INTS2: variants seen among roughly 807,000 people sequenced by gnomAD.
The protein encoded by INTS2 is KIAA1287.
INTS2 carries 57 observed loss-of-function variants against 139.6 expected under a neutral mutation model. The ratio of observed to expected loss-of-function variants is 0.41; its 90% CI spans 0.33 to 0.51. The LOEUF is 0.51. INTS2 is among the 20% of genes least tolerant of loss of function. The probability of loss-of-function intolerance (pLI) is 0.28; values close to 1 mark genes in which losing one functional copy is unlikely to be tolerated. For synonymous variants in INTS2, 473 were observed against 493.4 expected (o/e 0.96, Z 0.55); for missense variants, 1,196 against 1,436.7 (o/e 0.83, Z 2.71).
Position 61,872,385 on chromosome 17 carries a change from A to G in INTS2, c.2658T>C (p.Ala886=), listed in dbSNP as rs370752746. 1 of 1,612,040 alleles carries G rather than the reference A, an allele frequency of 6.2e-7. No individual in the cohort carries two copies. The highest frequency in any genetic ancestry group is 1.3e-5 in the African/African-American group (1 of 74,890). ...TATCTTGCTCTGTTTCCTTCAGATG[A>G]GCACTAAGGTAGGCTTTAGATGCAA... ...YLLASKAYLS[A]HLKETEQDRP... is the part of the protein sequence containing the mutation. Residue 886 remains alanine, a synonymous_variant, in exon 20 of 25, where the codon GCT becomes GCC. Transcript: ENST00000251334. This position sits in a 1 kb window ranked among gnomAD's most constrained non-coding sequence, Gnocchi z 4.8.
rs2079314039 is a variant in INTS2, at chr17:61,893,230, C to G, written c.1698+535G>C. Among the ~76,000 whole-genome samples the G allele has an allele frequency of 6.6e-6, 1 of 151,800 alleles. No homozygotes were observed. Among genetic ancestry groups the G allele is most frequent in the African/African-American group, 2.4e-5 (1 of 41,304 alleles). On this transcript the variant is annotated intron_variant, in intron 13 of 24. Coordinates refer to ENST00000251334, the MANE Select transcript of INTS2 (RefSeq NM_001351695.2). This position sits in a 1 kb window ranked among gnomAD's most constrained non-coding sequence, Gnocchi z 5.4. ...GAAAATCTTACATTGTTTTAAAAAT[C>G]TGAAATTACTGTATAATTATATAAT...
Position 61,904,535 on chromosome 17 carries a change from G to T in INTS2, c.1232C>A (p.Pro411His), listed in dbSNP as rs1338556851. The T allele has an allele frequency of 6.2e-7, 1 of 1,611,994 alleles. No individual in the cohort carries two copies. The highest frequency in any genetic ancestry group is 1.1e-5 in the South Asian group (1 of 90,766). Reference protein sequence around the residue: ...EQLLQLMTSRPPATPAGVRFV... With the variant: ...EQLLQLMTSRHPATPAGVRFV... ...GCGAACCCCAGCTGGCGTAGCAGGA[G>T]GACGGCTCGTCATCAACTGCAGTAA... The change falls in exon 9 of 25, where the codon CCT becomes CAT. Residue 411 changes from proline to histidine, a missense_variant. By Grantham distance (77) the Pro-to-His change is moderately conservative (BLOSUM62 -2). Transcript: ENST00000251334.
intron 9 of INTS2, among the ~76,000 whole-genome samples, chr17:61,898,273 C>T (rs1011158239): frequency 6.6e-6 from 1 of 152,020 alleles, no homozygotes; most frequent in African/African-American, 2.4e-5. Context: ...CACAGGCTTA[C>T]CAGATATGAA....
rs1377974293 is a variant in INTS2, at chr17:61,872,254, G to T, written c.2778+11C>A. The T allele has an allele frequency of 1.2e-6, 2 of 1,602,002 alleles. No homozygotes were observed. The highest frequency in any genetic ancestry group is 1.7e-6 in the Non-Finnish European group (2 of 1,172,288). On this transcript the variant is annotated intron_variant, in intron 20 of 24. Coordinates refer to ENST00000251334, the MANE Select transcript of INTS2 (RefSeq NM_001351695.2). This position sits in a 1 kb window ranked among gnomAD's most constrained non-coding sequence, Gnocchi z 4.8. ...CTCTTTTTGACTAAATTTTACTTTA[G>T]CAAAATTTACCTGAGCGGCCAGTAA...
Position 61,868,030 on chromosome 17 carries a change from A to G in INTS2, c.3245-21T>C. 6.6e-7 allele frequency: 1 copy of G among 1,526,644 alleles called. No homozygotes were observed. The highest frequency in any genetic ancestry group is 8.8e-7 in the Non-Finnish European group (1 of 1,137,122). The allele number at this position is 1,526,644 out of a possible 1,614,324, so 94.6% of individuals were successfully genotyped here. ...TAAAACTGTTGGAAAAAAATGAAAC[A>G]ATATTTTAGTTTACAAATATAAATT... On this transcript the variant is annotated intron_variant, in intron 23 of 24. Transcript: ENST00000251334. This position sits in a 1 kb window ranked among gnomAD's most constrained non-coding sequence, Gnocchi z 4.7.
At chr17:61,891,265 T>A (rs538264007) in intron 14 of INTS2, among the ~76,000 whole-genome samples, 4 of 151,208 alleles carry the variant, frequency 2.6e-5, no homozygotes, top group South Asian at 2.1e-4. Flanking sequence ...TGAGCTGAGA[T>A]CGCGCCACTG....
At chr17:61,880,019 C>T (rs1439433511) in intron 17 of INTS2, among the ~76,000 whole-genome samples, 1 of 152,086 alleles carries the variant, frequency 6.6e-6, no homozygotes, top group Non-Finnish European at 1.5e-5. Flanking sequence ...GAAGAACATT[C>T]TCCATTACAT....
In INTS2 at chr17:61,927,890, G is replaced by A. The variant is rs769276209; in HGVS notation, c.-255C>T. On this transcript the variant is annotated 5_prime_UTR_variant, in exon 1 of 25. The change creates a premature stop within an existing upstream ORF in the 5' untranslated region. Coordinates refer to ENST00000251334, the MANE Select transcript of INTS2 (RefSeq NM_001351695.2). Reference sequence around the variant, plus strand: ...ACCACACAAAGGCAGAACCGGGACTGTAGGAACGGAAAAGCGGGAGACTTT... The same window carrying A: ...ACCACACAAAGGCAGAACCGGGACTATAGGAACGGAAAAGCGGGAGACTTT... The A allele has an allele frequency of 2.5e-6, 4 of 1,611,592 alleles. No homozygotes were observed. The highest frequency in any genetic ancestry group is 3.4e-6 in the Non-Finnish European group (4 of 1,179,826).
Position 61,882,546 on chromosome 17 carries a change from T to C in INTS2, c.2090-1375A>G, listed in dbSNP as rs973826751. Among the ~76,000 whole-genome samples the C allele has an allele frequency of 6.6e-6, 1 of 152,108 alleles. No homozygotes were observed. The highest frequency in any genetic ancestry group is 2.4e-5 in the African/African-American group (1 of 41,418). ...GAGTTGGAGACCAGCCTGGCCAACA[T>C]GGGGAAATCCTGTCTCTACTAAAAA... On this transcript the variant is annotated intron_variant, in intron 16 of 24. Transcript: ENST00000251334. The surrounding 1 kb of genome is among the most constrained non-coding windows in gnomAD (Gnocchi z 4.7).
At chr17:61,904,681 T>C in intron 8 of INTS2, 96 bp from the exon 9 acceptor site, 1 of 1,008,130 alleles carries the variant, frequency 9.9e-7, no homozygotes, top group Admixed American at 3.0e-5. Flanking sequence ...TTAAACTTTA[T>C]AATGGTATCT....
At chr17:61,899,741 T>G (rs1216270325) in intron 9 of INTS2, among the ~76,000 whole-genome samples, 2 of 151,672 alleles carry the variant, frequency 1.3e-5, no homozygotes, top group Non-Finnish European at 2.9e-5. Flanking sequence ...TGAGATCCCA[T>G]CTCTACAAAA....
rs75721719 is a variant in INTS2 at position 61,867,817 on chromosome 17, A to G, written c.3421+16T>C. 6.7e-4 allele frequency: 1,051 copies of G among 1,569,730 alleles called. 6 individuals are homozygous for G. The African/African-American group carries it at 0.012, about 18-fold the overall frequency. ...TGAGATATTAAGATAACCCTTGAAA[A>G]TAAGTTACCACTTACGTGTAATAAT... On this transcript the variant is annotated intron_variant, in intron 24 of 24. Transcript: ENST00000251334. This position sits in a 1 kb window ranked among gnomAD's most constrained non-coding sequence, Gnocchi z 5.6.
At chr17:61,900,749 G>A (rs2079396434) in intron 9 of INTS2, among the ~76,000 whole-genome samples, 1 of 152,078 alleles carries the variant, frequency 6.6e-6, no homozygotes, top group South Asian at 2.1e-4. Flanking sequence ...CCTGAGGTCA[G>A]GAGTTCGAGA....
intron 3 of INTS2, among the ~76,000 whole-genome samples, chr17:61,923,048 C>T (rs2079664168): frequency 6.6e-6 from 1 of 151,608 alleles, no homozygotes; most frequent in South Asian, 2.1e-4. Flanking sequence ...TGCACTCCAA[C>T]CTGGGCAACA....
chr17:61,901,249 C>G (rs763177345), intron 9 of INTS2, among the ~76,000 whole-genome samples: 1 of 151,660 alleles, frequency 6.6e-6, no homozygotes, highest in Non-Finnish European at 1.5e-5. Flanking sequence ...CCCCGAGCAA[C>G]AGAGAGAGCC....
At chr17:61,914,543 CA>C (rs1014559345) in intron 5 of INTS2, among the ~76,000 whole-genome samples, 7 of 151,732 alleles carry the variant, frequency 4.6e-5, no homozygotes, top group Non-Finnish European at 8.8e-5. Context: ...ACTAAAAATA[CA>C]AAAAAATTAG....
rs933177513 is a variant in INTS2 at position 61,893,704 on chromosome 17, A to T, written c.1698+61T>A. On this transcript the variant is annotated intron_variant, in intron 13 of 24. Coordinates refer to ENST00000251334, the MANE Select transcript of INTS2 (RefSeq NM_001351695.2). This position sits in a 1 kb window ranked among gnomAD's most constrained non-coding sequence, Gnocchi z 5.4. ...AGCAAGACTCCATCTCAAAAGAAAA[A>T]AAATATATATATAAAAATGTAGGGG... 1.6e-6 allele frequency: 2 copies of T among 1,278,722 alleles called. No individual in the cohort carries two copies. The highest frequency in any genetic ancestry group is 1.0e-6 in the Non-Finnish European group (1 of 980,306). The allele number at this position is 1,278,722 out of a possible 1,614,324, so 79.2% of individuals were successfully genotyped here.
In INTS2 at chr17:61,926,667, T is replaced by C. The variant is rs547464491; in HGVS notation, c.-18-5A>G. 50 of 1,590,076 alleles carry C rather than the reference T, an allele frequency of 3.1e-5. No homozygotes were observed. The highest frequency in any genetic ancestry group is 6.8e-5 in the South Asian group (6 of 87,944). ...CATTATTACTGTTTGTTGATCCTAA[T>C]GGTAAAAATACAAATGAAAGTAGGA... is the stretch of plus-strand genomic sequence containing the variant. On this transcript the variant is annotated splice_region_variant and splice_polypyrimidine_tract_variant and intron_variant, in intron 1 of 24. Transcript: ENST00000251334.
chr17:61,914,555 C>G (rs1432923060), intron 5 of INTS2, among the ~76,000 whole-genome samples: 1 of 151,996 alleles, frequency 6.6e-6, no homozygotes, highest in Non-Finnish European at 1.5e-5. Flanking sequence ...AAAAAATTAG[C>G]CGGGCGTGGT....
Sources: allele counts gnomAD v4.1 joint callset (sites outside exome capture counted in the v4.1 genomes callset), GRCh38; gene constraint gnomAD v4.1.1; non-coding constraint Gnocchi (gnomAD v3.1); transcripts MANE v1.5; gene names NCBI Gene and HGNC (gene_info 2026-07-23, HGNC 2026-07-21).